SEMA3D: variants seen among roughly 807,000 people sequenced by gnomAD.
SEMA3D encodes the protein semaphorin-3D.
A neutral mutation model predicts 100.1 loss-of-function variants in SEMA3D; 84 were observed. That is an observed-to-expected ratio of 0.84 (90% confidence interval 0.70 to 1.01). The LOEUF (loss-of-function observed/expected upper bound fraction) is 1.01, where lower values mean the gene tolerates loss of function less well. Ranked by LOEUF, SEMA3D falls within the 50% of genes least tolerant of loss-of-function variation. The pLI is 0.00. For missense variants in SEMA3D, 875 were observed against 934.1 expected, an observed-to-expected ratio of 0.94 and a Z score of 0.82; for synonymous variants, 312 against 320.7, an observed-to-expected ratio of 0.97 and a Z score of 0.29.
chr7:85,204,808 T>C, the SEMA3D span, among the ~76,000 whole-genome samples: 1 of 152,056 alleles, frequency 6.6e-6, no homozygotes, highest in Non-Finnish European at 1.5e-5. Context: ...CACTCTGACT[T>C]CCATTCTTTC....
At chr7:85,143,127 T>G (rs915732497) in intron 2 of SEMA3D, 2 of 978,072 alleles carry the variant, frequency 2.0e-6, no homozygotes, top group Non-Finnish European at 2.4e-6. Flanking sequence ...GCTATCATGG[T>G]ACAACACACA....
At chr7:85,146,807 A>G (rs907366016) in intron 2 of SEMA3D, among the ~76,000 whole-genome samples, 6 of 152,186 alleles carry the variant, frequency 3.9e-5, no homozygotes, top group African/African-American at 1.4e-4. Flanking sequence ...ACTCCAGTGA[A>G]TGGATGCAGG....
intron 12 of SEMA3D, among the ~76,000 whole-genome samples, chr7:85,025,058 T>A (rs746600366): frequency 6.6e-6 from 1 of 152,026 alleles, no homozygotes; most frequent in African/African-American, 2.4e-5. Context: ...CAGCTATACA[T>A]CTCAGGTATT....
chr7:85,077,104 TAA>T (rs558239429), intron 5 of SEMA3D, among the ~76,000 whole-genome samples: 3 of 124,426 alleles, frequency 2.4e-5, no homozygotes, highest in Admixed American at 8.4e-5. Context: ...AGACTCCGTC[TAA>T]AAAAAAAAAA....
chr7:85,043,675 T>C (rs1432206315), intron 9 of SEMA3D, among the ~76,000 whole-genome samples: 4 of 152,114 alleles, frequency 2.6e-5, no homozygotes, highest in South Asian at 4.1e-4. Context: ...GATTGAATTA[T>C]GGAGGCGGGT....
the SEMA3D span, among the ~76,000 whole-genome samples, chr7:85,243,400 G>A: frequency 6.6e-6 from 1 of 152,122 alleles, no homozygotes; most frequent in Non-Finnish European, 1.5e-5. Context: ...TAATTCTCCA[G>A]CAACTTGTCG....
intron 9 of SEMA3D, among the ~76,000 whole-genome samples, chr7:85,055,367 G>A (rs956350631): frequency 6.6e-6 from 1 of 151,786 alleles, no homozygotes; most frequent in Non-Finnish European, 1.5e-5. Flanking sequence ...AGCAATCACT[G>A]GCAAAAGAAT....
At chr7:85,171,948 T>TGTGTGG (rs1791094154) in intron 1 of SEMA3D, among the ~76,000 whole-genome samples, 1 of 151,708 alleles carries the variant, frequency 6.6e-6, no homozygotes, top group African/African-American at 2.4e-5. Context: ...TAAAGCGGTG[T>TGTGTGG]GTGTGTGTGT....
chr7:85,006,862 T>C lies in SEMA3D; in HGVS notation c.1848A>G (p.Lys616=). The change falls in exon 18 of 19, where the codon AAA becomes AAG. Residue 616 remains lysine, a synonymous_variant. Coordinates refer to ENST00000284136, the MANE Select transcript of SEMA3D (RefSeq NM_001384900.1). Reference sequence around the variant, plus strand: ...ACCATTTAATAGTTGCTTGTTGGGATTTAGGTATACATTCCAGAAAGGTTG... The same window carrying C: ...ACCATTTAATAGTTGCTTGTTGGGACTTAGGTATACATTCCAGAAAGGTTG... The part of the protein sequence containing the change: ...FNSTFLECIP[K]SQQATIKWYI... 6.2e-7 allele frequency: 1 copy of C among 1,610,970 alleles called. No homozygotes were observed. Among genetic ancestry groups the C allele is most frequent in the Non-Finnish European group, 8.5e-7 (1 of 1,177,996 alleles).
chr7:85,147,816 A>G (rs772042135), intron 2 of SEMA3D, among the ~76,000 whole-genome samples: 1 of 152,188 alleles, frequency 6.6e-6, no homozygotes, highest in Non-Finnish European at 1.5e-5. Context: ...TATACAACAT[A>G]GGAGAAGTAC....
At chr7:85,106,752 C>T (rs560196527) in intron 3 of SEMA3D, among the ~76,000 whole-genome samples, 1 of 152,118 alleles carries the variant, frequency 6.6e-6, no homozygotes, top group Non-Finnish European at 1.5e-5. Context: ...CCTCAGGAAA[C>T]TTACAATCAT....
chr7:85,210,406 T>C, the SEMA3D span, among the ~76,000 whole-genome samples: 2 of 152,108 alleles, frequency 1.3e-5, no homozygotes. Context: ...CCTTAAATCA[T>C]TATTTGACAT....
rs79261363 is a variant in SEMA3D, at chr7:85,049,864, G to C, written c.861+5853C>G. On this transcript the variant is annotated intron_variant, in intron 9 of 18. Transcript: ENST00000284136. ...AAACTGAATTCCTGGCATGGGGAAA[G>C]GAAATACTGCAAAACAAAAAAGAGA... Among the ~76,000 whole-genome samples the C allele has an allele frequency of 7.8e-3, 1,178 of 151,856 alleles. 17 individuals carry two copies. The highest frequency in any genetic ancestry group is 0.027 in the African/African-American group (1,105 of 41,472).
chr7:85,138,275 T>C (rs1789920697), intron 2 of SEMA3D, among the ~76,000 whole-genome samples: 1 of 152,010 alleles, frequency 6.6e-6, no homozygotes, highest in African/African-American at 2.4e-5. Flanking sequence ...TAACTGATAT[T>C]CTTTTTTAAT....
the SEMA3D span, among the ~76,000 whole-genome samples, chr7:85,227,729 AAAC>A: frequency 6.6e-6 from 1 of 152,260 alleles, no homozygotes; most frequent in East Asian, 1.9e-4. Context: ...TTTTAGTAGA[AAAC>A]AAATGTATGA....
the SEMA3D span, among the ~76,000 whole-genome samples, chr7:85,225,094 AT>A: frequency 2.6e-5 from 1 of 38,792 alleles, no homozygotes; most frequent in Admixed American, 2.6e-4. Flanking sequence ...ATATATATAT[AT>A]ATATATATAT....
chr7:85,112,785 A>G (rs1443252962), intron 3 of SEMA3D, among the ~76,000 whole-genome samples: 1 of 152,178 alleles, frequency 6.6e-6, no homozygotes, highest in Non-Finnish European at 1.5e-5. Flanking sequence ...CCTTGATAGC[A>G]CTTAGCACTG....
chr7:85,181,654 G>T, intron 1 of SEMA3D: 1 of 255,216 alleles, frequency 3.9e-6, no homozygotes, highest in Non-Finnish European at 6.2e-6. Flanking sequence ...TGAAGTGTGG[G>T]CTAAGCATGC....
At chr7:85,009,960 G>A (rs1478049785) in intron 17 of SEMA3D, among the ~76,000 whole-genome samples, 1 of 151,372 alleles carries the variant, frequency 6.6e-6, no homozygotes, top group Admixed American at 6.6e-5. Flanking sequence ...AATAAAAAAG[G>A]AATATCTGCT....
Sources: gnomAD v4.1 joint callset for allele counts (sites outside exome capture counted in the v4.1 genomes callset) on GRCh38, gnomAD v4.1.1 for gene constraint, MANE v1.5 for transcripts, NCBI Gene and HGNC (gene_info 2026-07-23, HGNC 2026-07-21) for gene names.